CTNND2: variants seen among roughly 807,000 people sequenced by gnomAD.
CTNND2 encodes the protein catenin delta 2.
In CTNND2, 22 loss-of-function variants were observed where a neutral mutation model predicts 144.4. The observed-to-expected ratio is 0.15, with a 90% confidence interval of 0.11 to 0.22. The LOEUF is 0.22. Among genes scored for constraint, CTNND2 ranks in the 10% least tolerant of loss-of-function variants. CTNND2 has a pLI of 1.00. For synonymous variants in CTNND2, 751 were observed against 695.6 expected, an observed-to-expected ratio of 1.08 and a Z score of -1.25; for missense variants, 1,353 against 1,618.8, an observed-to-expected ratio of 0.84 and a Z score of 2.82.
intron 2 of CTNND2, among the ~76,000 whole-genome samples, chr5:11,616,507 T>G (rs1255805618): frequency 1.3e-5 from 2 of 152,144 alleles, no homozygotes; most frequent in Non-Finnish European, 2.9e-5. Flanking sequence ...AATTTCTACC[T>G]GTTTTTCCTT....
chr5:11,112,357 T>C (rs1407706367), intron 13 of CTNND2, among the ~76,000 whole-genome samples: 1 of 152,090 alleles, frequency 6.6e-6, no homozygotes, highest in Non-Finnish European at 1.5e-5. Flanking sequence ...TGGCTGACCA[T>C]GGCCGGATCT....
rs995091314 is a variant in CTNND2, at chr5:11,547,528, G to T, written c.287+17416C>A. Among the ~76,000 whole-genome samples, 3 of 151,856 alleles carry T rather than the reference G, an allele frequency of 2.0e-5. No homozygotes were observed. In the South Asian group the frequency reaches 6.2e-4, roughly 32 times the overall value. On this transcript the variant is annotated intron_variant, in intron 3 of 21. Transcript: ENST00000304623. The stretch of plus-strand genomic sequence containing the variant: ...ATGATTCTAATACATACAACTAACA[G>T]ATTAGTATTCAAATATATTCAGAAT...
intron 1 of CTNND2, among the ~76,000 whole-genome samples, chr5:11,843,331 G>A (rs750830605): frequency 4.6e-5 from 7 of 151,824 alleles, no homozygotes; most frequent in Non-Finnish European, 1.0e-4. Flanking sequence ...ACACCCAGCA[G>A]GCAAGAACAT....
chr5:11,101,923 G>T (rs1019081224), intron 14 of CTNND2, among the ~76,000 whole-genome samples: 17 of 151,028 alleles, frequency 1.1e-4, no homozygotes, highest in Admixed American at 9.9e-4. Flanking sequence ...GTGTGTGTGT[G>T]TTTACATCTT....
intron 3 of CTNND2, among the ~76,000 whole-genome samples, chr5:11,414,752 A>G (rs1034142049): frequency 2.0e-5 from 3 of 151,802 alleles, no homozygotes; most frequent in African/African-American, 7.2e-5. Context: ...ACCTCCTCCC[A>G]CCCTCCACTC....
At chr5:11,500,970 T>G (rs1770472903) in intron 3 of CTNND2, among the ~76,000 whole-genome samples, 1 of 152,248 alleles carries the variant, frequency 6.6e-6, no homozygotes, top group African/African-American at 2.4e-5. Context: ...AAATACCTCT[T>G]AATTTGTAAT....
At chr5:11,025,750 G>A (rs1239367708) in intron 16 of CTNND2, among the ~76,000 whole-genome samples, 1 of 152,168 alleles carries the variant, frequency 6.6e-6, no homozygotes, top group Admixed American at 6.5e-5. Flanking sequence ...TCAAGGTAGT[G>A]TGCTTCTATA....
intron 2 of CTNND2, among the ~76,000 whole-genome samples, chr5:11,626,405 T>C (rs566047660): frequency 6.6e-6 from 1 of 152,324 alleles, no homozygotes; most frequent in East Asian, 1.9e-4. Flanking sequence ...ACCTAAAACA[T>C]AAACTTGCAG....
chr5:11,054,811 C>G (rs1408173173), intron 16 of CTNND2, among the ~76,000 whole-genome samples: 1 of 152,142 alleles, frequency 6.6e-6, no homozygotes, highest in African/African-American at 2.4e-5. Flanking sequence ...AGCTTCTGCC[C>G]TACACTAAGT....
chr5:11,395,374 T>C (rs1015911697), intron 6 of CTNND2, among the ~76,000 whole-genome samples: 7 of 152,220 alleles, frequency 4.6e-5, no homozygotes, highest in Non-Finnish European at 2.9e-5. Flanking sequence ...CTTCTGTTAG[T>C]AGAGTGAATT....
chr5:11,045,687 T>C (rs985225842), intron 16 of CTNND2, among the ~76,000 whole-genome samples: 3 of 152,174 alleles, frequency 2.0e-5, no homozygotes, highest in Non-Finnish European at 4.4e-5. Flanking sequence ...TATAGCCCAC[T>C]TGGATAATCT....
At chr5:11,639,125 A>C (rs1781861732) in intron 2 of CTNND2, among the ~76,000 whole-genome samples, 1 of 152,100 alleles carries the variant, frequency 6.6e-6, no homozygotes, top group African/African-American at 2.4e-5. Flanking sequence ...AGTTTGTTAC[A>C]ATGGGGATGA....
chr5:11,592,317 G>GCCTT (rs554737319), intron 2 of CTNND2, among the ~76,000 whole-genome samples: 3 of 149,586 alleles, frequency 2.0e-5, no homozygotes, highest in Non-Finnish European at 3.0e-5. Flanking sequence ...CCTTCCTCCT[G>GCCTT]CCTTCCTTCC....
intron 3 of CTNND2, among the ~76,000 whole-genome samples, chr5:11,445,950 G>A (rs1030670451): frequency 7.9e-5 from 12 of 152,108 alleles, no homozygotes; most frequent in African/African-American, 2.7e-4. Flanking sequence ...AAAATAAGGG[G>A]TAAACCTAGA....
intron 10 of CTNND2, among the ~76,000 whole-genome samples, chr5:11,217,352 C>T (rs572364535): frequency 1.1e-3 from 160 of 152,274 alleles, no homozygotes; most frequent in Non-Finnish European, 1.7e-3. Context: ...ATTAACTTTC[C>T]CACAAACCAG....
chr5:11,524,019 A>G (rs917693776), intron 3 of CTNND2, among the ~76,000 whole-genome samples: 1 of 152,208 alleles, frequency 6.6e-6, no homozygotes, highest in African/African-American at 2.4e-5. Context: ...ATAAATCATC[A>G]TGGGCAGAAA....
At chr5:11,739,066 T>G (rs1378513630) in intron 1 of CTNND2, among the ~76,000 whole-genome samples, 1 of 152,144 alleles carries the variant, frequency 6.6e-6, no homozygotes, top group Non-Finnish European at 1.5e-5. Context: ...CATTAAAAAG[T>G]CAACTATTCA....
intron 5 of CTNND2, among the ~76,000 whole-genome samples, chr5:11,404,697 A>C (rs1341555435): frequency 7.4e-6 from 1 of 134,266 alleles, no homozygotes; most frequent in Non-Finnish European, 1.5e-5. Flanking sequence ...GGCTCACTGC[A>C]ACCTCTGCTT....
intron 2 of CTNND2, among the ~76,000 whole-genome samples, chr5:11,627,529 C>T (rs1193243823): frequency 2.0e-5 from 3 of 151,084 alleles, no homozygotes; most frequent in Non-Finnish European, 4.4e-5. Flanking sequence ...ATCCTGCAGA[C>T]AAAATGAAAA....
Sources: gnomAD v4.1 joint callset for allele counts (sites outside exome capture counted in the v4.1 genomes callset) on GRCh38, gnomAD v4.1.1 for gene constraint, MANE v1.5 for transcripts, NCBI Gene and HGNC (gene_info 2026-07-23, HGNC 2026-07-21) for gene names.